The following CACNA1A variants were observed in gnomAD, a reference collection of about 807,000 sequenced individuals.
CACNA1A encodes the protein voltage-dependent P/Q-type calcium channel subunit alpha-1A.
Under a neutral mutation model 262.4 loss-of-function variants are expected in CACNA1A, and 57 were observed. That is an observed-to-expected ratio of 0.22 (90% confidence interval 0.18 to 0.27). CACNA1A has a LOEUF of 0.27. Ranked by LOEUF, CACNA1A falls within the 10% of genes least tolerant of loss-of-function variation. The pLI is 1.00. For missense variants in CACNA1A, 2,526 were observed against 3,562.8 expected (o/e 0.71, Z 7.41); for synonymous variants, 1,431 against 1,419.3 (o/e 1.01, Z -0.18).
intron 11 of CACNA1A, chr19:13,316,726 G>A: frequency 6.1e-6 from 1 of 162,890 alleles, no homozygotes; most frequent in Admixed American, 6.3e-5. Context: ...CATAAGTTAT[G>A]AACATTTCCA....
At chr19:13,208,597 G>A (rs1600078309) in intron 46 of CACNA1A, among the ~76,000 whole-genome samples, 159 bp downstream of exon 46, 1 of 152,072 alleles carries the variant, frequency 6.6e-6, no homozygotes, top group Non-Finnish European at 1.5e-5. Context: ...TGTCCGCTCC[G>A]GCCGCCGGGC....
intron 20 of CACNA1A, among the ~76,000 whole-genome samples, chr19:13,285,705 G>A (rs1483392405): frequency 6.6e-6 from 1 of 152,000 alleles, no homozygotes; most frequent in Non-Finnish European, 1.5e-5. Context: ...CCCCTCTCTT[G>A]ACTCAGGGGG....
At chr19:13,276,766 C>T (rs537000763) in intron 23 of CACNA1A, among the ~76,000 whole-genome samples, 3 of 145,216 alleles carry the variant, frequency 2.1e-5, no homozygotes, top group East Asian at 4.1e-4. Context: ...GGCAAGATCT[C>T]GGCTCACTGC....
chr19:13,373,241 T>C lies in CACNA1A; in HGVS notation c.540-1462A>G, dbSNP rs139672138. ...GGTGCAATCATAGCTCGCTACAGCATTGAACTCCTGGGCTCAAGCAATCCT... is the reference window on the plus strand; with the variant it reads ...GGTGCAATCATAGCTCGCTACAGCACTGAACTCCTGGGCTCAAGCAATCCT... On this transcript the variant is annotated intron_variant, in intron 3 of 46. Coordinates refer to ENST00000360228, the MANE Select transcript of CACNA1A (RefSeq NM_001127222.2). Among the ~76,000 whole-genome samples the C allele has an allele frequency of 7.6e-4, 116 of 152,350 alleles. 1 individual carries two copies. The East Asian group carries it at 0.019, about 26-fold the overall frequency.
chr19:13,486,364 CTG>C (rs1491066228), intron 1 of CACNA1A, among the ~76,000 whole-genome samples: 1 of 137,646 alleles, frequency 7.3e-6, no homozygotes, highest in South Asian at 2.4e-4. Context: ...TAGGTTTGTT[CTG>C]TCTCTCTCTC....
intron 3 of CACNA1A, among the ~76,000 whole-genome samples, chr19:13,403,326 C>T (rs1489371691): frequency 6.6e-6 from 1 of 152,076 alleles, no homozygotes; most frequent in Admixed American, 6.6e-5. Flanking sequence ...CATTTGCATG[C>T]TCAAAGCAGT....
intron 1 of CACNA1A, among the ~76,000 whole-genome samples, chr19:13,469,648 A>C (rs1441272307): frequency 6.9e-6 from 1 of 143,950 alleles, no homozygotes; most frequent in East Asian, 2.0e-4. Flanking sequence ...TTTAGTAGAG[A>C]CAGGGTTTCA....
At chr19:13,350,162 G>T (rs776718419) in intron 6 of CACNA1A, among the ~76,000 whole-genome samples, 3 of 152,152 alleles carry the variant, frequency 2.0e-5, no homozygotes, top group Non-Finnish European at 4.4e-5. Context: ...TCATCTTGAG[G>T]CCCAGCCAGT....
At chr19:13,264,916 C>G (rs951966982) in intron 24 of CACNA1A, among the ~76,000 whole-genome samples, 1 of 150,900 alleles carries the variant, frequency 6.6e-6, no homozygotes, top group Admixed American at 6.6e-5. Flanking sequence ...GCTCTATTGC[C>G]CAGGCTGGAG....
Position 13,228,773 on chromosome 19 carries a change from T to C in CACNA1A, c.5529-1246A>G, listed in dbSNP as rs2144616837. On this transcript the variant is annotated intron_variant, in intron 36 of 46. Coordinates refer to ENST00000360228, the MANE Select transcript of CACNA1A (RefSeq NM_001127222.2). ...GATATTACTCGTAATAAACTGTACATATCCTTATAATGAATCCGACCGCTG... is the reference window on the plus strand; with the variant it reads ...GATATTACTCGTAATAAACTGTACACATCCTTATAATGAATCCGACCGCTG... 1.9e-6 allele frequency: 3 copies of C among 1,597,202 alleles called. No individual in the cohort carries two copies. The highest frequency in any genetic ancestry group is 2.6e-6 in the Non-Finnish European group (3 of 1,170,634).
rs568319502 is a variant in CACNA1A, at chr19:13,316,943, A to G, written c.1555+169T>C. 14 of 554,668 alleles carry G rather than the reference A, an allele frequency of 2.5e-5. No individual in the cohort carries two copies. In the East Asian group the frequency reaches 4.0e-4, roughly 16 times the overall value. The allele number at this position is 554,668 out of a possible 1,614,324, so 34.4% of individuals were successfully genotyped here. A position where few individuals can be genotyped will look rare whatever the true frequency, so the allele number is the denominator to read the frequency against. Reference sequence around the variant, plus strand: ...TCTAAGGGAGATGGGTTCCATTGTCATAGCAACAGTAACATTGGCCCCAGT... The same window carrying G: ...TCTAAGGGAGATGGGTTCCATTGTCGTAGCAACAGTAACATTGGCCCCAGT... On this transcript the variant is annotated intron_variant, in intron 11 of 46. Transcript: ENST00000360228.
At chr19:13,278,557 A>G (rs959109208) in intron 22 of CACNA1A, among the ~76,000 whole-genome samples, 1 of 151,936 alleles carries the variant, frequency 6.6e-6, no homozygotes. Context: ...TCTGCCCACC[A>G]CACCCCCGGC....
chr19:13,304,586 C>T (rs897751033), intron 15 of CACNA1A, among the ~76,000 whole-genome samples: 6 of 148,408 alleles, frequency 4.0e-5, no homozygotes, highest in African/African-American at 1.0e-4. Flanking sequence ...TGTGCCACTG[C>T]ACTCCAGGCT....
chr19:13,499,216 T>C (rs1463413990), intron 1 of CACNA1A, among the ~76,000 whole-genome samples: 2 of 151,962 alleles, frequency 1.3e-5, no homozygotes, highest in Non-Finnish European at 2.9e-5. Flanking sequence ...GCTAATTATA[T>C]ACTTTAAAAC....
Position 13,214,702 on chromosome 19 carries a change from C to A in CACNA1A, c.5732-94G>T, listed in dbSNP as rs571389698. On this transcript the variant is annotated intron_variant, in intron 38 of 46. Transcript: ENST00000360228. The surrounding 1 kb of genome is among the most constrained non-coding windows in gnomAD (Gnocchi z 4.1). ...AAGCCATAGGCTCCCGAGAACGAGACCCCAATCTTTCTGGTCCCCATGGGG... is the reference window on the plus strand; with the variant it reads ...AAGCCATAGGCTCCCGAGAACGAGAACCCAATCTTTCTGGTCCCCATGGGG... 1.0e-6 allele frequency: 1 copy of A among 964,552 alleles called. No homozygotes were observed. Among genetic ancestry groups the A allele is most frequent in the Non-Finnish European group, 1.6e-6 (1 of 622,340 alleles). 59.7% of individuals were successfully genotyped at this position (964,552 alleles called of 1,614,324 possible).
At chr19:13,435,879 C>G (rs1352425972) in intron 3 of CACNA1A, among the ~76,000 whole-genome samples, 1 of 152,156 alleles carries the variant, frequency 6.6e-6, no homozygotes, top group Non-Finnish European at 1.5e-5. Context: ...GGCTGGAGTG[C>G]AGTGGCGCAG....
chr19:13,363,911 C>G (rs1186172006), intron 5 of CACNA1A: 1 of 152,268 alleles, frequency 6.6e-6, no homozygotes, highest in East Asian at 1.9e-4. Context: ...GATTCCATTT[C>G]ATTCTGGAGC....
At chr19:13,238,603 T>TTTTTC (rs2055960272) in intron 31 of CACNA1A, among the ~76,000 whole-genome samples, 2 of 151,652 alleles carry the variant, frequency 1.3e-5, no homozygotes, top group Non-Finnish European at 2.9e-5. Context: ...GTATTTTTTT[T>TTTTTC]TTAAGAGAGT....
intron 1 of CACNA1A, among the ~76,000 whole-genome samples, chr19:13,481,226 C>T (rs1008011765): frequency 6.6e-6 from 1 of 152,154 alleles, no homozygotes; most frequent in Non-Finnish European, 1.5e-5. Flanking sequence ...CATGGGCAGC[C>T]ACCACTGCCA....
Sources: gnomAD v4.1 joint callset for allele counts (sites outside exome capture counted in the v4.1 genomes callset) on GRCh38, gnomAD v4.1.1 for gene constraint, Gnocchi (gnomAD v3.1) non-coding constraint, MANE v1.5 for transcripts, NCBI Gene and HGNC (gene_info 2026-07-23, HGNC 2026-07-21) for gene names.